EPM2A: variants seen among roughly 807,000 people sequenced by gnomAD.
EPM2A encodes laforin.
EPM2A carries 21 observed loss-of-function variants against 26.5 expected under a neutral mutation model. That is an observed-to-expected ratio of 0.79 (90% CI 0.56 to 1.14). The LOEUF (loss-of-function observed/expected upper bound fraction) is 1.14. EPM2A is among the 50% of genes most tolerant of loss of function. EPM2A has a pLI of 0.00. For synonymous variants in EPM2A, 217 were observed against 177.6 expected, an observed-to-expected ratio of 1.22 and a Z score of -1.76; for missense variants, 458 against 440.8, an observed-to-expected ratio of 1.04 and a Z score of -0.35.
intron 2 of EPM2A, among the ~76,000 whole-genome samples, chr6:145,502,835 A>G (rs1779911532): frequency 6.6e-6 from 1 of 152,220 alleles, no homozygotes; most frequent in Non-Finnish European, 1.5e-5. Context: ...AATATTTTGG[A>G]ATCTTAAGGC....
chr6:145,544,678 T>C (rs1017967938), intron 2 of EPM2A, among the ~76,000 whole-genome samples: 4 of 152,198 alleles, frequency 2.6e-5, no homozygotes, highest in African/African-American at 9.6e-5. Flanking sequence ...TGTGGCAACC[T>C]TGAAGCCATA....
At position 145,590,915 on chromosome 6, in the gene EPM2A, A is replaced by G. The variant is rs370599347; in HGVS notation, c.340+44330T>C. 6.1e-4 allele frequency among the ~76,000 whole-genome samples: 93 copies of G among 152,326 alleles called. 1 individual carries two copies. The East Asian group carries it at 0.014, about 23-fold the overall frequency. On this transcript the variant is annotated intron_variant, in intron 2 of 3. Transcript: ENST00000450221. ...TCGAAGCCAGACTAAGATATGGCAC[A>G]GATTTTGAAATATCAAACAGAAAAT...
At chr6:145,715,577 C>T (rs1341790464) in intron 1 of EPM2A, among the ~76,000 whole-genome samples, 2 of 152,194 alleles carry the variant, frequency 1.3e-5, no homozygotes, top group African/African-American at 4.8e-5. Flanking sequence ...GGTCACACAG[C>T]AGGAGGTAAG....
At chr6:145,718,572 C>G (rs1434665441) in intron 1 of EPM2A, among the ~76,000 whole-genome samples, 82 of 152,136 alleles carry the variant, frequency 5.4e-4, no homozygotes, top group African/African-American at 1.1e-3. Flanking sequence ...AGGACTTCAT[C>G]TCTAAAACAC....
chr6:145,599,776 G>T (rs1343997250), intron 2 of EPM2A, among the ~76,000 whole-genome samples: 1 of 151,874 alleles, frequency 6.6e-6, no homozygotes, highest in Non-Finnish European at 1.5e-5. Flanking sequence ...ACAATTGAGT[G>T]GGTAAATTTC....
At chr6:145,493,168 G>A (rs994399982) in intron 4 of EPM2A, among the ~76,000 whole-genome samples, 24 of 152,192 alleles carry the variant, frequency 1.6e-4, no homozygotes, top group African/African-American at 5.8e-4. Context: ...TTGGACACCT[G>A]GGTGGCCACA....
chr6:145,623,152 G>A (rs1775673134), downstream of EPM2A, among the ~76,000 whole-genome samples: 1 of 148,586 alleles, frequency 6.7e-6, no homozygotes. Flanking sequence ...GGCACTCCAG[G>A]TACATCACCG....
intron 4 of EPM2A, among the ~76,000 whole-genome samples, chr6:145,449,453 A>G (rs1050535478): frequency 3.3e-5 from 5 of 152,198 alleles, no homozygotes; most frequent in South Asian, 4.1e-4. Context: ...AATTTTGTTG[A>G]GAAAAAATTT....
intron 2 of EPM2A, among the ~76,000 whole-genome samples, chr6:145,544,302 C>T (rs952446769): frequency 1.3e-5 from 2 of 152,142 alleles, no homozygotes; most frequent in African/African-American, 4.8e-5. Context: ...CAGACTCCAC[C>T]TGGGTTTGTG....
intron 2 of EPM2A, among the ~76,000 whole-genome samples, chr6:145,583,416 C>G (rs1407509962): frequency 6.6e-6 from 1 of 152,080 alleles, no homozygotes; most frequent in Non-Finnish European, 1.5e-5. Context: ...TGGAAGATTT[C>G]AGGAGTTCAT....
chr6:145,625,550 A>G lies in EPM2A; in HGVS notation c.*1866T>C. The G allele has an allele frequency of 4.8e-6, 3 of 627,608 alleles. No homozygotes were observed. In the East Asian group the frequency reaches 8.3e-5, roughly 17 times the overall value. 38.9% of individuals were successfully genotyped at this position (627,608 alleles called of 1,614,324 possible). A position where few individuals can be genotyped will look rare whatever the true frequency, so the allele number is the denominator to read the frequency against. ...ATTCACAGACCCACATAGTTTAAAA[A>G]TTTAATTTTTAAGATTAAATTTTCA... On this transcript the variant is annotated 3_prime_UTR_variant, in exon 4 of 4. Transcript: ENST00000367519.
chr6:145,680,272 A>C (rs1188076841), intron 2 of EPM2A: 1 of 152,002 alleles, frequency 6.6e-6, no homozygotes, highest in Non-Finnish European at 1.5e-5. Flanking sequence ...TTGGCTAAAA[A>C]TCAAAAACTA....
intron 2 of EPM2A, among the ~76,000 whole-genome samples, chr6:145,614,353 T>A (rs1470726312): frequency 2.6e-5 from 4 of 152,240 alleles, no homozygotes; most frequent in Admixed American, 2.6e-4. Flanking sequence ...TTTCTCCATA[T>A]CAGTAATAAG....
At chr6:145,434,343 A>G (rs1397565907) in intron 4 of EPM2A, among the ~76,000 whole-genome samples, 5 of 150,626 alleles carry the variant, frequency 3.3e-5, no homozygotes, top group Non-Finnish European at 7.4e-5. Context: ...TGACTGCTGC[A>G]GCTTCAACCT....
chr6:145,390,370 C>T (rs911749428), intron 4 of EPM2A, among the ~76,000 whole-genome samples: 2 of 151,738 alleles, frequency 1.3e-5, no homozygotes, highest in African/African-American at 4.8e-5. Context: ...GAATAATGTT[C>T]GAACAAGTAT....
At chr6:145,521,389 C>A (rs1235026918) in intron 2 of EPM2A, among the ~76,000 whole-genome samples, 3 of 152,064 alleles carry the variant, frequency 2.0e-5, no homozygotes, top group African/African-American at 7.2e-5. Flanking sequence ...GCCTGATTAC[C>A]AGGCGATACT....
intron 2 of EPM2A, among the ~76,000 whole-genome samples, chr6:145,668,726 G>A (rs1336096428): frequency 6.6e-6 from 1 of 152,072 alleles, no homozygotes. Flanking sequence ...TAGCATGAGG[G>A]GACACTGTGT....
intron 2 of EPM2A, among the ~76,000 whole-genome samples, chr6:145,546,640 T>C (rs556624537): frequency 1.2e-4 from 18 of 152,310 alleles, no homozygotes; most frequent in Admixed American, 2.6e-4. Context: ...TCCATGATTG[T>C]AGAAACAGTG....
intron 4 of EPM2A, among the ~76,000 whole-genome samples, chr6:145,393,644 CTCTT>C (rs764603199): frequency 1.2e-4 from 19 of 152,054 alleles, no homozygotes; most frequent in Non-Finnish European, 2.4e-4. Flanking sequence ...TGGGGCCACT[CTCTT>C]AGTGCTTAAC....
Sources: allele counts gnomAD v4.1 joint callset (sites outside exome capture counted in the v4.1 genomes callset), GRCh38; gene constraint gnomAD v4.1.1; transcripts MANE v1.5; gene names NCBI Gene and HGNC (gene_info 2026-07-23, HGNC 2026-07-21).